RSBN1L: variants seen among roughly 807,000 people sequenced by gnomAD.
RSBN1L encodes lysine-specific demethylase RSBN1L.
Under a neutral mutation model 67.7 loss-of-function variants are expected in RSBN1L, and 30 were observed. That is an observed-to-expected ratio of 0.44 (90% CI 0.33 to 0.60). The LOEUF (loss-of-function observed/expected upper bound fraction) is 0.60. Ranked by LOEUF, RSBN1L falls within the 20% of genes least tolerant of loss-of-function variation. The probability of loss-of-function intolerance (pLI) is 0.02; values close to 1 mark genes in which losing one functional copy is unlikely to be tolerated. For synonymous variants in RSBN1L, 433 were observed against 387.0 expected (o/e 1.12, Z -1.39); for missense variants, 992 against 1,031.7 (o/e 0.96, Z 0.53).
chr7:77,710,815 C>CA (rs1225733573), intron 1 of RSBN1L, among the ~76,000 whole-genome samples: 1 of 152,050 alleles, frequency 6.6e-6, no homozygotes, highest in Non-Finnish European at 1.5e-5. Flanking sequence ...TGGTTGGTCT[C>CA]AAACTCCTGA....
intron 3 of RSBN1L, among the ~76,000 whole-genome samples, chr7:77,763,012 G>T (rs1374359988): frequency 6.6e-6 from 1 of 152,120 alleles, no homozygotes; most frequent in Non-Finnish European, 1.5e-5. Flanking sequence ...GTCATAGAAT[G>T]AACCAACTCA....
chr7:77,718,846 T>C (rs563607912), intron 1 of RSBN1L, among the ~76,000 whole-genome samples: 15 of 152,322 alleles, frequency 9.8e-5, no homozygotes, highest in African/African-American at 3.4e-4. Flanking sequence ...CTTCACGCAG[T>C]GTTGACTGGA....
chr7:77,773,118 A>G, intron 5 of RSBN1L, 29 bp from the exon 6 acceptor site: 1 of 1,336,982 alleles, frequency 7.5e-7, no homozygotes, highest in Non-Finnish European at 1.0e-6. Flanking sequence ...GTCACTATAT[A>G]AATGTAATTT....
At chr7:77,697,968 G>T (rs1242296879) in intron 1 of RSBN1L, among the ~76,000 whole-genome samples, 1 of 152,202 alleles carries the variant, frequency 6.6e-6, no homozygotes, top group Non-Finnish European at 1.5e-5. Context: ...TTATGTGATC[G>T]CAAGCTTAAA....
rs910339558 is a variant in RSBN1L, at chr7:77,780,572, T to A, written c.*1404T>A. 1 of 152,182 alleles carries A rather than the reference T, an allele frequency of 6.6e-6. No homozygotes were observed. Among genetic ancestry groups the A allele is most frequent in the Non-Finnish European group, 1.5e-5 (1 of 68,026 alleles). 9.4% of individuals were successfully genotyped at this position (152,182 alleles called of 1,614,324 possible). ...GTGAGCAATTAAAATCCTTTTACAT[T>A]TTTCTTGCAGAATGGGAGAAAAATA... On this transcript the variant is annotated 3_prime_UTR_variant, in exon 8 of 8. Transcript: ENST00000334955.
intron 1 of RSBN1L, among the ~76,000 whole-genome samples, chr7:77,721,889 G>C (rs749567882): frequency 2.6e-5 from 4 of 152,232 alleles, no homozygotes; most frequent in African/African-American, 9.6e-5. Flanking sequence ...TTTGGTCACT[G>C]TGCTTACTTG....
intron 4 of RSBN1L, among the ~76,000 whole-genome samples, chr7:77,767,209 G>A (rs187054861): frequency 5.3e-5 from 8 of 152,012 alleles, no homozygotes; most frequent in Admixed American, 2.0e-4. Context: ...GATTACAGAC[G>A]TGAGCCACCC....
chr7:77,715,425 C>T (rs141749901), intron 1 of RSBN1L, among the ~76,000 whole-genome samples: 1,957 of 151,990 alleles, frequency 0.013, 40 homozygotes, highest in African/African-American at 0.044. Context: ...GTGCCTCAGC[C>T]TCCCAAGTAG....
Position 77,725,243 on chromosome 7 carries a change from A to AATTTTTTTTTTTTTTTTTTTTTTTTT in RSBN1L, c.587-11167_587-11166insATTTTTTTTTTTTTTTTTTTTTTTTT, listed in dbSNP as rs1554338354. Among the ~76,000 whole-genome samples the AATTTTTTTTTTTTTTTTTTTTTTTTT allele has an allele frequency of 8.3e-4, 48 of 57,880 alleles. 2 individuals carry two copies. Among genetic ancestry groups the AATTTTTTTTTTTTTTTTTTTTTTTTT allele is most frequent in the African/African-American group, 4.1e-3 (46 of 11,302 alleles). 38.0% of individuals were successfully genotyped at this position (57,880 alleles called of 152,430 possible). A position where few individuals can be genotyped will look rare whatever the true frequency, so the allele number is the denominator to read the frequency against. ...TTTCTTCCCTAGGGATAAGCCCCCC[A>AATTTTTTTTTTTTTTTTTTTTTTTTT]CTTTTTTTTTTTTTTTTTTTTTGAG... On this transcript the variant is annotated intron_variant, in intron 1 of 7. Transcript: ENST00000334955.
intron 2 of RSBN1L, among the ~76,000 whole-genome samples, chr7:77,743,840 T>G (rs1225379393): frequency 1.3e-5 from 2 of 152,152 alleles, no homozygotes; most frequent in Non-Finnish European, 2.9e-5. Context: ...TCCCTGATTT[T>G]TTTTGATTGT....
rs757579177 is a variant in RSBN1L at position 77,779,148 on chromosome 7, G to A, written c.2521G>A (p.Asp841Asn). 3 of 1,582,332 alleles carry A rather than the reference G, an allele frequency of 1.9e-6. No homozygotes were observed. The highest frequency in any genetic ancestry group is 2.4e-5 in the South Asian group (2 of 85,026). ...SSAHSNQDKK[D>N]DDILC Reference sequence around the variant, plus strand: ...AGCACATTCAAATCAAGATAAAAAAGACGATGACATTTTGTGCTAAATTTG... The same window carrying A: ...AGCACATTCAAATCAAGATAAAAAAAACGATGACATTTTGTGCTAAATTTG... The change falls in exon 8 of 8, where the codon GAC becomes AAC. Residue 841 changes from aspartate (D) to asparagine (N), a missense_variant. By Grantham distance (23) the Asp-to-Asn change is conservative. Around this residue, in one of 7 missense-constraint regions of RSBN1L, gnomAD observed 199 missense variants for 167.7 expected, o/e 1.19. Transcript: ENST00000334955.
chr7:77,705,510 G>GTTTTTTTTT lies in RSBN1L; in HGVS notation c.586+8466_586+8474dup, dbSNP rs56187940. Among the ~76,000 whole-genome samples the GTTTTTTTTT allele has an allele frequency of 8.2e-4, 91 of 111,450 alleles. 1 individual carries two copies. Among genetic ancestry groups the GTTTTTTTTT allele is most frequent in the African/African-American group, 2.0e-3 (53 of 26,102 alleles). The allele number at this position is 111,450 out of a possible 152,430, so 73.1% of individuals were successfully genotyped here. ...ACCACTAGGTCTCTCCATTGTAATG[G>GTTTTTTTTT]TTTTTTTTTTTTTTTTTTTGTGATG... On this transcript the variant is annotated intron_variant, in intron 1 of 7. Coordinates refer to ENST00000334955, the MANE Select transcript of RSBN1L (RefSeq NM_198467.3).
At chr7:77,703,477 GTTTTTTTTTTTT>G (rs71529102) in intron 1 of RSBN1L, among the ~76,000 whole-genome samples, 17 of 61,604 alleles carry the variant, frequency 2.8e-4, no homozygotes, top group South Asian at 7.7e-4. Flanking sequence ...TACTGTTTGG[GTTTTTTTTTTTT>G]TTTTTTTTTT....
chr7:77,768,551 A>G (rs1791804613), intron 4 of RSBN1L, 110 bp from the exon 5 acceptor site: 3 of 916,246 alleles, frequency 3.3e-6, no homozygotes, highest in Non-Finnish European at 5.1e-6. Flanking sequence ...ATGCTTAAGT[A>G]TAAAGCTGTG....
intron 1 of RSBN1L, among the ~76,000 whole-genome samples, chr7:77,722,007 C>T (rs1265586123): frequency 2.0e-5 from 3 of 151,944 alleles, no homozygotes; most frequent in Non-Finnish European, 4.4e-5. Flanking sequence ...AATATTTTAA[C>T]GAAGTATAAA....
At chr7:77,700,692 A>G (rs530587908) in intron 1 of RSBN1L, among the ~76,000 whole-genome samples, 1 of 152,026 alleles carries the variant, frequency 6.6e-6, no homozygotes, top group East Asian at 1.9e-4. Flanking sequence ...CTATGATTTT[A>G]TTTTCTTGTG....
chr7:77,741,703 A>G (rs1791412809), intron 2 of RSBN1L, among the ~76,000 whole-genome samples: 1 of 151,818 alleles, frequency 6.6e-6, no homozygotes. Flanking sequence ...AAAAAAAAAA[A>G]AAAGAAAAGA....
At chr7:77,722,968 CTTTT>C (rs71531006) in intron 1 of RSBN1L, among the ~76,000 whole-genome samples, 6 of 132,326 alleles carry the variant, frequency 4.5e-5, no homozygotes, top group East Asian at 2.2e-4. Flanking sequence ...TTTCTCTCTT[CTTTT>C]TTTTTTTTTT....
intron 1 of RSBN1L, among the ~76,000 whole-genome samples, chr7:77,708,682 G>A (rs1036963342): frequency 6.6e-6 from 1 of 151,772 alleles, no homozygotes; most frequent in Non-Finnish European, 1.5e-5. Flanking sequence ...GCGCCCAGCC[G>A]AGTTCAGACT....
Sources: gnomAD v4.1 joint callset for allele counts (sites outside exome capture counted in the v4.1 genomes callset) on GRCh38, gnomAD v4.1.1 for gene constraint, gnomAD v4.1.1 regional missense constraint, MANE v1.5 for transcripts, NCBI Gene and HGNC (gene_info 2026-07-23, HGNC 2026-07-21) for gene names.